The following CAPN15 variants were observed in gnomAD, a reference collection of about 807,000 sequenced individuals.
CAPN15 encodes calpain-15.
Under a neutral mutation model 97.9 loss-of-function variants are expected in CAPN15, and 53 were observed. The ratio of observed to expected loss-of-function variants is 0.54; its 90% confidence interval spans 0.43 to 0.68. CAPN15 has a LOEUF of 0.68. Among genes scored for constraint, CAPN15 ranks in the 30% least tolerant of loss-of-function variants. The pLI is 0.00. For missense variants in CAPN15, 1,592 were observed against 1,589.8 expected (o/e 1.00, Z -0.02); for synonymous variants, 922 against 722.5 (o/e 1.28, Z -4.43).
chr16:546,321 C>T (rs1325832197), intron 3 of CAPN15, among the ~76,000 whole-genome samples: 5 of 152,218 alleles, frequency 3.3e-5, no homozygotes, highest in African/African-American at 4.8e-5. Flanking sequence ...TTCTGCCAGG[C>T]AGAGCAGCCA....
chr16:548,371 G>A, intron 4 of CAPN15, 84 bp downstream of exon 4: 1 of 1,326,234 alleles, frequency 7.5e-7, no homozygotes, highest in Non-Finnish European at 9.9e-7. Flanking sequence ...CTGGCGATGG[G>A]CTGGGGAGGA....
rs866701657 is a variant in CAPN15 at position 549,810 on chromosome 16, G to A, written c.2038G>A (p.Ala680Thr). Residue 680 changes from alanine to threonine, a missense_variant, in exon 7 of 14, where the codon GCC (alanine) becomes ACC (threonine). Ala to Thr is a moderately conservative substitution (Grantham distance 58). Coordinates refer to ENST00000219611, the MANE Select transcript of CAPN15 (RefSeq NM_005632.3). ...GCCCGTTGACACTGACCTCATCTGGGCCAAAATGCTGAGTTCTAAGGAGGC... is the reference window on the plus strand; with the variant it reads ...GCCCGTTGACACTGACCTCATCTGGACCAAAATGCTGAGTTCTAAGGAGGC... ...EEPVDTDLIW[A>T]KMLSSKEAGF... The A allele has an allele frequency of 5.0e-6, 8 of 1,587,344 alleles. No individual in the cohort carries two copies. Among genetic ancestry groups the A allele is most frequent in the Non-Finnish European group, 6.9e-6 (8 of 1,166,590 alleles).
Position 547,498 on chromosome 16 carries a change from A to C in CAPN15, c.660A>C (p.Pro220=), listed in dbSNP as rs1392381378. ...EANPPATSQG[P]AAEPEPPRVP... ...ACCCCCCAGCCACCAGCCAGGGCCC[A>C]GCTGCCGAACCAGAGCCGCCCAGGG... Residue 220 remains proline, a synonymous_variant, in exon 4 of 14, where the codon CCA becomes CCC. Transcript: ENST00000219611. 1.3e-6 allele frequency: 2 copies of C among 1,597,948 alleles called. No individual in the cohort carries two copies. The highest frequency in any genetic ancestry group is 1.7e-5 in the Admixed American group (1 of 59,940).
At position 547,448 on chromosome 16, in the gene CAPN15, C is replaced by T. The variant is rs759184846; in HGVS notation, c.610C>T (p.Leu204Phe). 1.9e-6 allele frequency: 3 copies of T among 1,589,540 alleles called. No individual in the cohort carries two copies. Among genetic ancestry groups the T allele is most frequent in the Admixed American group, 3.4e-5 (2 of 59,150 alleles). The change falls in exon 4 of 14, where the codon CTC becomes TTC. Residue 204 changes from leucine (L) to phenylalanine (F), a missense_variant. By Grantham distance (22) the Leu-to-Phe change is conservative. Transcript: ENST00000219611. ...HVVPAAPPPG[L>F]PGEGAEANPP... ...CGTGCCTGCCGCGCCTCCACCTGGC[C>T]TCCCCGGGGAAGGTGCCGAGGCCAA...
rs762765497 is a variant in CAPN15, at chr16:547,838, G to A, written c.1000G>A (p.Ala334Thr). Reference sequence around the variant, plus strand: ...CGGAGACACCGTGCGTTACACGCCCGCCAGCCCCTCCAGCCCCGACTTCAC... The same window carrying A: ...CGGAGACACCGTGCGTTACACGCCCACCAGCCCCTCCAGCCCCGACTTCAC... ...LAGDTVRYTP[A>T]SPSSPDFTTW... Residue 334 changes from alanine (A) to threonine (T), a missense_variant, in exon 4 of 14, where the codon GCC becomes ACC. Coordinates refer to ENST00000219611, the MANE Select transcript of CAPN15 (RefSeq NM_005632.3). The A allele has an allele frequency of 4.5e-5, 72 of 1,610,462 alleles. No individual in the cohort carries two copies. Among genetic ancestry groups the A allele is most frequent in the South Asian group, 5.5e-5 (5 of 90,786 alleles).
chr16:540,949 G>A (rs73481360), intron 3 of CAPN15, among the ~76,000 whole-genome samples: 3,901 of 152,278 alleles, frequency 0.026, 155 homozygotes, highest in African/African-American at 0.085. Context: ...CCGTCACCCC[G>A]TCCTGGCCCT....
In CAPN15 at chr16:552,559, C is replaced by G. The variant is rs2035170080; in HGVS notation, c.2737+29C>G. The G allele has an allele frequency of 6.4e-7, 1 of 1,573,364 alleles. No individual in the cohort carries two copies. The highest frequency in any genetic ancestry group is 1.1e-5 in the South Asian group (1 of 88,434). ...CGTGGCCCCTACCCCAGGCTCATGC[C>G]CCAGGCCCACGGGGAGGGCTGCGGT... On this transcript the variant is annotated intron_variant, in intron 11 of 13. Transcript: ENST00000219611. The surrounding 1 kb of genome is among the most constrained non-coding windows in gnomAD (Gnocchi z 6.4).
In CAPN15 at chr16:547,954, G is replaced by T. The variant is rs1175764601; in HGVS notation, c.1116G>T (p.Gln372His). The T allele has an allele frequency of 2.5e-6, 4 of 1,591,736 alleles. No individual in the cohort carries two copies. The highest frequency in any genetic ancestry group is 1.7e-5 in the Admixed American group (1 of 57,768). Residue 372 changes from glutamine to histidine, a missense_variant, in exon 4 of 14, where the codon CAG (glutamine) becomes CAT (histidine). Gln to His is a conservative substitution (Grantham distance 24). Coordinates refer to ENST00000219611, the MANE Select transcript of CAPN15 (RefSeq NM_005632.3). ...ACGCSKLHGF[Q>H]EHGEPPTHCP... Reference sequence around the variant, plus strand: ...GCTGCTCCAAACTGCACGGCTTCCAGGAGCATGGCGAGCCCCCCACCCACT... The same window carrying T: ...GCTGCTCCAAACTGCACGGCTTCCATGAGCATGGCGAGCCCCCCACCCACT...
At position 548,975 on chromosome 16, in the gene CAPN15, T is replaced by G; in HGVS notation, c.1450-18T>G. On this transcript the variant is annotated intron_variant, in intron 4 of 13. Coordinates refer to ENST00000219611, the MANE Select transcript of CAPN15 (RefSeq NM_005632.3). Reference sequence around the variant, plus strand: ...GGCCACCCTGCCCAGCCTGAGCACATGGCCGTGGTCTCTGCAGAACAATGT... The same window carrying G: ...GGCCACCCTGCCCAGCCTGAGCACAGGGCCGTGGTCTCTGCAGAACAATGT... The G allele has an allele frequency of 6.2e-7, 1 of 1,611,988 alleles. No homozygotes were observed. The highest frequency in any genetic ancestry group is 2.2e-5 in the East Asian group (1 of 44,852).
rs185610386 is a variant in CAPN15 at position 531,346 on chromosome 16, C to G, written c.-189-2600C>G. 2.6e-5 allele frequency among the ~76,000 whole-genome samples: 4 copies of G among 152,264 alleles called. No individual in the cohort carries two copies. In the East Asian group the frequency reaches 7.7e-4, roughly 29 times the overall value. ...CCCAAATACTGGGACTACAGGTGGG[C>G]GCCACCACACCCAGCCTCTGCCCTT... On this transcript the variant is annotated intron_variant, in intron 1 of 13. Transcript: ENST00000219611.
chr16:548,295 G>C lies in CAPN15; in HGVS notation c.1449+8G>C, dbSNP rs200359206. 2.7e-6 allele frequency: 4 copies of C among 1,462,984 alleles called. No homozygotes were observed. Among genetic ancestry groups the C allele is most frequent in the Admixed American group, 2.7e-5 (1 of 36,794 alleles). 90.6% of individuals were successfully genotyped at this position (1,462,984 alleles called of 1,614,324 possible). ...GTGGCCTTCTGCCGGGAGGTGAGGC[G>C]CCCCCTCGCCCTCTTCCTGCTCCTG... On this transcript the variant is annotated splice_region_variant and intron_variant, in intron 4 of 13. Transcript: ENST00000219611.
At position 549,877 on chromosome 16, in the gene CAPN15, G is replaced by A. The variant is rs1225327394; in HGVS notation, c.2066+39G>A. ...CACTGCGTGGTCAGCCGCGTTGGGA[G>A]GAGAGGCGAGGCGGAGCGGTGGGAG... On this transcript the variant is annotated intron_variant, in intron 7 of 13. Coordinates refer to ENST00000219611, the MANE Select transcript of CAPN15 (RefSeq NM_005632.3). 6 of 1,466,740 alleles carry A rather than the reference G, an allele frequency of 4.1e-6. No homozygotes were observed. The Admixed American group carries it at 1.2e-4, about 29-fold the overall frequency. The allele number at this position is 1,466,740 out of a possible 1,614,324, so 90.9% of individuals were successfully genotyped here. A position where few individuals can be genotyped will look rare whatever the true frequency, so the allele number is the denominator to read the frequency against.
rs138304902 is a variant in CAPN15, at chr16:546,892, C to T, written c.54C>T (p.Ala18=). 2.4e-5 allele frequency: 39 copies of T among 1,611,430 alleles called. No individual in the cohort carries two copies. The highest frequency in any genetic ancestry group is 6.7e-5 in the African/African-American group (5 of 74,934). Residue 18 remains alanine (A), a synonymous_variant, in exon 4 of 14, where the codon GCC becomes GCT. Transcript: ENST00000219611. ...SCVRCTFLNP[A]GQRQCSICEA... is the part of the protein sequence containing the mutation. ...TGCGCTGCACCTTCCTGAACCCGGC[C>T]GGCCAGCGCCAGTGCTCCATCTGCG...
chr16:540,181 C>T lies in CAPN15; in HGVS notation c.-23+4039C>T, dbSNP rs9931453. 208 of 985,510 alleles carry T rather than the reference C, an allele frequency of 2.1e-4. No homozygotes were observed. In the African/African-American group the frequency reaches 3.3e-3, roughly 16 times the overall value. 61.0% of individuals were successfully genotyped at this position (985,510 alleles called of 1,614,324 possible). A position where few individuals can be genotyped will look rare whatever the true frequency, so the allele number is the denominator to read the frequency against. On this transcript the variant is annotated intron_variant, in intron 3 of 13. Coordinates refer to ENST00000219611, the MANE Select transcript of CAPN15 (RefSeq NM_005632.3). ...TCCGGCTCTCAGCACGGCCGCCGGC[C>T]GGGGGGCCATGGGGAGCTCCGCCTC...
intron 3 of CAPN15, among the ~76,000 whole-genome samples, chr16:542,883 A>G (rs546215075): frequency 2.0e-4 from 30 of 152,294 alleles, no homozygotes; most frequent in East Asian, 1.2e-3. Context: ...GTGAAACCCC[A>G]TCTCTACTAA....
intron 1 of CAPN15, among the ~76,000 whole-genome samples, chr16:532,266 G>T (rs923843820): frequency 2.0e-5 from 3 of 149,376 alleles, no homozygotes; most frequent in Middle Eastern, 3.5e-3. Context: ...AAAAAAAGTA[G>T]AATTCGGTTG....
chr16:546,458 G>A (rs993767851), intron 3 of CAPN15, among the ~76,000 whole-genome samples: 1 of 151,968 alleles, frequency 6.6e-6, no homozygotes, highest in African/African-American at 2.4e-5. Flanking sequence ...CCACGCCCAG[G>A]ACGACCTGGT....
At chr16:539,948 G>A (rs1239796163) in intron 3 of CAPN15, 1 of 426,962 alleles carries the variant, frequency 2.3e-6, no homozygotes, top group Non-Finnish European at 3.1e-6. Flanking sequence ...CGGGCCGCAG[G>A]CCCTGCACTG....
chr16:533,313 A>T (rs1458827493), intron 1 of CAPN15, among the ~76,000 whole-genome samples: 2 of 152,240 alleles, frequency 1.3e-5, no homozygotes, highest in Non-Finnish European at 2.9e-5. Context: ...CCCAGGAAGG[A>T]CAGGGCGGGA....
Sources: gnomAD v4.1 joint callset for allele counts (sites outside exome capture counted in the v4.1 genomes callset) on GRCh38, gnomAD v4.1.1 for gene constraint, Gnocchi (gnomAD v3.1) non-coding constraint, MANE v1.5 for transcripts, NCBI Gene and HGNC (gene_info 2026-07-23, HGNC 2026-07-21) for gene names.